FAS: variants seen among roughly 807,000 people sequenced by gnomAD.
FAS encodes the protein tumor necrosis factor receptor superfamily member 6.
FAS carries 5 observed loss-of-function variants against 33.2 expected under a neutral mutation model. The observed-to-expected ratio is 0.15, with a 90% CI of 0.08 to 0.32. The LOEUF (loss-of-function observed/expected upper bound fraction) is 0.32. Ranked by LOEUF, FAS falls within the 10% of genes least tolerant of loss-of-function variation. The pLI, the probability that FAS is intolerant of heterozygous loss-of-function variation, is 1.00. For missense variants in FAS, 339 were observed against 386.0 expected (o/e 0.88, Z 1.02); for synonymous variants, 131 against 130.7 (o/e 1.00, Z -0.01).
chr10:88,985,760 T>G (rs1167489568), upstream of FAS, among the ~76,000 whole-genome samples: 2 of 152,144 alleles, frequency 1.3e-5, no homozygotes, highest in African/African-American at 4.8e-5. Context: ...TCCAGGCCCA[T>G]GAGGAGGGCC....
chr10:89,005,330 A>G (rs189382543), intron 2 of FAS, among the ~76,000 whole-genome samples: 2 of 152,296 alleles, frequency 1.3e-5, no homozygotes, highest in East Asian at 3.9e-4. Flanking sequence ...AAAATTGTCA[A>G]ATGATTATAT....
chr10:88,966,781 A>G (rs1846326246), intron 1 of FAS, among the ~76,000 whole-genome samples: 1 of 152,212 alleles, frequency 6.6e-6, no homozygotes, highest in Non-Finnish European at 1.5e-5. Context: ...ACCTGCTCAA[A>G]TGTTTTGAAA....
chr10:89,007,857 A>G lies in FAS; in HGVS notation c.334+20A>G, dbSNP rs763387522. On this transcript the variant is annotated intron_variant, in intron 3 of 8. Coordinates refer to ENST00000652046, the MANE Select transcript of FAS (RefSeq NM_000043.6). Reference sequence around the variant, plus strand: ...GACATGGTAAGAGTCTTAAAATGCAATTGAAAGAGGCCAATCTTGGAATTT... The same window carrying G: ...GACATGGTAAGAGTCTTAAAATGCAGTTGAAAGAGGCCAATCTTGGAATTT... The G allele has an allele frequency of 5.0e-6, 8 of 1,613,510 alleles. No homozygotes were observed. Among genetic ancestry groups the G allele is most frequent in the East Asian group, 2.2e-5 (1 of 44,896 alleles).
chr10:89,002,846 T>C, intron 1 of FAS, 183 bp from the exon 2 acceptor site: 1 of 638,200 alleles, frequency 1.6e-6, no homozygotes, highest in East Asian at 2.9e-5. Context: ...GAACCTGAGA[T>C]CCAAACTGCT....
intron 1 of FAS, 162 bp from the exon 2 acceptor site, chr10:89,002,867 C>T: frequency 1.4e-6 from 1 of 728,880 alleles, no homozygotes; most frequent in South Asian, 1.6e-5. Flanking sequence ...ATACAAGTGA[C>T]CTGCTGCTTT....
At chr10:89,001,519 C>G (rs1004072231) in intron 1 of FAS, among the ~76,000 whole-genome samples, 1 of 151,342 alleles carries the variant, frequency 6.6e-6, no homozygotes, top group African/African-American at 2.4e-5. Flanking sequence ...CTATTTGTAA[C>G]CGTCATGCTA....
upstream of FAS, chr10:88,990,468 G>A: frequency 3.8e-6 from 2 of 530,582 alleles, no homozygotes; most frequent in South Asian, 3.3e-5. The surrounding 1 kb of genome is among the most constrained non-coding windows in gnomAD (Gnocchi z 4.9). Flanking sequence ...GAACGCCCCG[G>A]GACAGGAATG....
chr10:88,978,352 A>G (rs990949870), intron 2 of FAS, among the ~76,000 whole-genome samples: 1 of 151,678 alleles, frequency 6.6e-6, no homozygotes, highest in Non-Finnish European at 1.5e-5. Flanking sequence ...ATACATATGT[A>G]ACTAACCTGC....
chr10:88,991,033 G>A (rs1174662178), intron 1 of FAS, 127 bp downstream of exon 1: 7 of 1,300,724 alleles, frequency 5.4e-6, no homozygotes, highest in Non-Finnish European at 6.5e-6. Context: ...TGGGAGCGGC[G>A]GGCTGCTGCG....
chr10:89,006,808 C>T (rs1848253916), intron 2 of FAS, among the ~76,000 whole-genome samples: 1 of 152,170 alleles, frequency 6.6e-6, no homozygotes, highest in African/African-American at 2.4e-5. Context: ...ATTTAATAAA[C>T]ACCTATCAGA....
chr10:89,011,941 C>A, intron 6 of FAS, 58 bp from the exon 7 acceptor site: 1 of 1,373,890 alleles, frequency 7.3e-7, no homozygotes, highest in Non-Finnish European at 1.0e-6. Context: ...AAAGTATGTT[C>A]TCACATGCAT....
chr10:88,980,456 A>G (rs1037804594), intron 2 of FAS, among the ~76,000 whole-genome samples: 1 of 152,146 alleles, frequency 6.6e-6, no homozygotes, highest in African/African-American at 2.4e-5. Flanking sequence ...CAAAAGAGAG[A>G]CGCATTTCAC....
At chr10:88,971,531 A>C (rs1564657272) in intron 1 of FAS, among the ~76,000 whole-genome samples, 2 of 152,232 alleles carry the variant, frequency 1.3e-5, no homozygotes, top group African/African-American at 4.8e-5. Flanking sequence ...ATACAGGTTT[A>C]GATCCAGATT....
chr10:88,974,090 C>G (rs1221719127), intron 2 of FAS: 2 of 152,242 alleles, frequency 1.3e-5, no homozygotes, highest in East Asian at 3.8e-4. Context: ...ACATGAGCCA[C>G]TGTGCCCTGC....
chr10:88,999,953 A>G (rs1847833064), intron 1 of FAS, among the ~76,000 whole-genome samples: 2 of 152,238 alleles, frequency 1.3e-5, no homozygotes, highest in African/African-American at 2.4e-5. Flanking sequence ...GGTGATTTGT[A>G]TAACTGAGCT....
In FAS at chr10:89,016,531, G is replaced by T. The variant is rs1848811914; in HGVS notation, c.*2081G>T. On this transcript the variant is annotated 3_prime_UTR_variant, in exon 9 of 9. Coordinates refer to ENST00000652046, the MANE Select transcript of FAS (RefSeq NM_000043.6). ...GAGCAAGAACTTTGAGTTCCTTTGG[G>T]AGGAAGACAGTGGAGAAGTCTTTGT... 4.4e-6 allele frequency: 1 copy of T among 226,858 alleles called. No individual in the cohort carries two copies. Among genetic ancestry groups the T allele is most frequent in the East Asian group, 6.3e-5 (1 of 15,844 alleles). 14.1% of individuals were successfully genotyped at this position (226,858 alleles called of 1,614,324 possible).
intron 2 of FAS, among the ~76,000 whole-genome samples, chr10:88,978,493 T>G (rs1474156439): frequency 3.9e-5 from 6 of 152,222 alleles, no homozygotes; most frequent in Non-Finnish European, 2.9e-5. Context: ...TAACTGTGAA[T>G]ACATTTGTTG....
intron 1 of FAS, among the ~76,000 whole-genome samples, chr10:88,970,471 GACT>G (rs1285967162): frequency 6.6e-6 from 1 of 152,194 alleles, no homozygotes; most frequent in East Asian, 1.9e-4. Context: ...TTAGTGCTGA[GACT>G]ACCTGAATAG....
intron 1 of FAS, among the ~76,000 whole-genome samples, chr10:88,967,687 T>C (rs1350207357): frequency 3.9e-5 from 6 of 152,222 alleles, no homozygotes; most frequent in African/African-American, 1.2e-4. Flanking sequence ...ATATTTTGTT[T>C]CATGATTTTG....
Sources: gnomAD v4.1 joint callset for allele counts (sites outside exome capture counted in the v4.1 genomes callset) on GRCh38, gnomAD v4.1.1 for gene constraint, Gnocchi (gnomAD v3.1) non-coding constraint, MANE v1.5 for transcripts, NCBI Gene and HGNC (gene_info 2026-07-23, HGNC 2026-07-21) for gene names.